The following EDEM3 variants were observed in gnomAD, a reference collection of about 807,000 sequenced individuals.
EDEM3 encodes ER degradation-enhancing alpha-mannosidase-like protein 3.
In EDEM3, 60 loss-of-function variants were observed where a neutral mutation model predicts 110.2. That is an observed-to-expected ratio of 0.54 (90% CI 0.44 to 0.67). The LOEUF (loss-of-function observed/expected upper bound fraction) is 0.67. EDEM3 is among the 30% of genes least tolerant of loss of function. The pLI is 0.00. For missense variants in EDEM3, 996 were observed against 1,121.0 expected (o/e 0.89, Z 1.59); for synonymous variants, 352 against 382.9 (o/e 0.92, Z 0.94).
At chr1:184,747,130 G>A (rs1652475765) in intron 2 of EDEM3, among the ~76,000 whole-genome samples, 1 of 151,802 alleles carries the variant, frequency 6.6e-6, no homozygotes, top group African/African-American at 2.4e-5. Context: ...TAAAAAAGGT[G>A]AATGTATTAA....
chr1:184,737,090 T>G, intron 3 of EDEM3, 26 bp from the exon 4 acceptor site: 1 of 1,588,366 alleles, frequency 6.3e-7, no homozygotes, highest in Non-Finnish European at 8.6e-7. Context: ...TAACAAGATA[T>G]AAAACATTAG....
intron 16 of EDEM3, among the ~76,000 whole-genome samples, chr1:184,709,789 T>C (rs1007496488): frequency 1.3e-5 from 2 of 152,130 alleles, no homozygotes; most frequent in African/African-American, 4.8e-5. Flanking sequence ...GAATTTGAGA[T>C]TAAAGGATAC....
rs772041952 is a variant in EDEM3, at chr1:184,732,883, T to G, written c.566A>C (p.Lys189Thr). ...GGTAGTGTTGAAAGCCGGTAAAAGT[T>G]TGTAACCTAACTGCTTTGCCATTTG... ...LLQMAKQLGY[K>T]LLPAFNTTSG... Residue 189 changes from lysine to threonine, a missense_variant, in exon 6 of 20, where the codon AAA becomes ACA. By Grantham distance (78) the Lys-to-Thr change is moderately conservative. Around this residue, in one of 5 missense-constraint regions of EDEM3, gnomAD observed 310 missense variants for 394.6 expected, o/e 0.79. Coordinates refer to ENST00000318130, the MANE Select transcript of EDEM3 (RefSeq NM_025191.4). 10 of 1,613,978 alleles carry G rather than the reference T, an allele frequency of 6.2e-6. No individual in the cohort carries two copies. Among genetic ancestry groups the G allele is most frequent in the Admixed American group, 1.7e-5 (1 of 60,004 alleles).
At position 184,710,508 on chromosome 1, in the gene EDEM3, T is replaced by C. The variant is rs750877743; in HGVS notation, c.1731A>G (p.Arg577=). Reference sequence around the variant, plus strand: ...GGTTAGTGGCCATGAAATCTCTGGCTCTCAGAGGGGGTTTAGCTCCACTCC... The same window carrying C: ...GGTTAGTGGCCATGAAATCTCTGGCCCTCAGAGGGGGTTTAGCTCCACTCC... The part of the protein sequence containing the change: ...SFRSGAKPPL[R]ARDFMATNPE... Residue 577 remains arginine, a synonymous_variant, in exon 16 of 20, where the codon AGA becomes AGG. Transcript: ENST00000318130. 6.2e-7 allele frequency: 1 copy of C among 1,613,792 alleles called. No homozygotes were observed. Among genetic ancestry groups the C allele is most frequent in the African/African-American group, 1.3e-5 (1 of 74,916 alleles).
chr1:184,743,733 G>T (rs1008175923), intron 2 of EDEM3, among the ~76,000 whole-genome samples: 1 of 151,904 alleles, frequency 6.6e-6, no homozygotes, highest in African/African-American at 2.4e-5. Context: ...TTTGTATAAG[G>T]GTAGATAGAT....
In EDEM3 at chr1:184,743,832, G is replaced by A. The variant is rs116508314; in HGVS notation, c.204+5715C>T. On this transcript the variant is annotated intron_variant, in intron 2 of 19. Transcript: ENST00000318130. ...CACATATTTCAAAATAATTCAGTAGGGAAAGGATATTATTTTCAACAAATG... is the reference window on the plus strand; with the variant it reads ...CACATATTTCAAAATAATTCAGTAGAGAAAGGATATTATTTTCAACAAATG... Among the ~76,000 whole-genome samples the A allele has an allele frequency of 9.6e-3, 1,463 of 151,800 alleles. 20 individuals carry two copies. The highest frequency in any genetic ancestry group is 0.032 in the African/African-American group (1,326 of 41,402).
chr1:184,713,977 T>C (rs1314702753), intron 13 of EDEM3, among the ~76,000 whole-genome samples: 1 of 152,224 alleles, frequency 6.6e-6, no homozygotes, highest in Non-Finnish European at 1.5e-5. Flanking sequence ...TCACCTGAAA[T>C]GTTTCAAAAC....
intron 17 of EDEM3, among the ~76,000 whole-genome samples, chr1:184,707,279 T>C (rs1335713648): frequency 6.6e-6 from 1 of 152,230 alleles, no homozygotes; most frequent in Non-Finnish European, 1.5e-5. Flanking sequence ...ACTTAGTCTA[T>C]ATGAATCTGC....
chr1:184,721,136 G>A lies in EDEM3; in HGVS notation c.951+153C>T, dbSNP rs186066322. 6.5e-4 allele frequency: 387 copies of A among 598,690 alleles called. 1 individual carries two copies. The highest frequency in any genetic ancestry group is 8.8e-4 in the Non-Finnish European group (308 of 348,818). 37.1% of individuals were successfully genotyped at this position (598,690 alleles called of 1,614,324 possible). A position where few individuals can be genotyped will look rare whatever the true frequency, so the allele number is the denominator to read the frequency against. ...TTTTGGAATGTATATCACTTTTTAC[G>A]CTGTCCCTGTTCAACATCATCAGGA... On this transcript the variant is annotated intron_variant, in intron 9 of 19. Coordinates refer to ENST00000318130, the MANE Select transcript of EDEM3 (RefSeq NM_025191.4).
At position 184,719,196 on chromosome 1, in the gene EDEM3, T is replaced by C. The variant is rs1319264122; in HGVS notation, c.1127A>G (p.Tyr376Cys). 6.3e-7 allele frequency: 1 copy of C among 1,574,898 alleles called. No homozygotes were observed. Among genetic ancestry groups the C allele is most frequent in the Admixed American group, 2.0e-5 (1 of 49,540 alleles). The change falls in exon 11 of 20, where the codon TAT (tyrosine) becomes TGT (cysteine). Residue 376 changes from tyrosine to cysteine, a missense_variant. Physicochemically the swap from Tyr to Cys is radical, Grantham distance 194 (BLOSUM62 -2). Around this residue, in one of 5 missense-constraint regions of EDEM3, gnomAD observed 310 missense variants for 394.6 expected, o/e 0.79. Coordinates refer to ENST00000318130, the MANE Select transcript of EDEM3 (RefSeq NM_025191.4). ...AAAATTGTGTTTTTTAATCACCTGA[T>C]ATAACATTTCATGAGTTTCAATAGC... ...RPAIETHEML[Y>C]QVIKKHNFLP... is the part of the protein sequence containing the mutation.
At chr1:184,700,155 T>C (rs919085076) in intron 19 of EDEM3, among the ~76,000 whole-genome samples, 2 of 152,082 alleles carry the variant, frequency 1.3e-5, no homozygotes, top group East Asian at 1.9e-4. Context: ...GGCTTCTAAA[T>C]GTGTATTAAG....
chr1:184,700,529 T>C (rs1026150344), intron 19 of EDEM3, among the ~76,000 whole-genome samples: 2 of 152,122 alleles, frequency 1.3e-5, no homozygotes, highest in East Asian at 3.9e-4. Flanking sequence ...TTTCTCAAAG[T>C]GTAGCTGAGG....
Position 184,719,257 on chromosome 1 carries a change from CA to C in EDEM3, c.1078-13del, listed in dbSNP as rs1650738389. The C allele has an allele frequency of 6.5e-6, 10 of 1,541,668 alleles. No individual in the cohort carries two copies. The highest frequency in any genetic ancestry group is 8.7e-6 in the Non-Finnish European group (10 of 1,147,402). ...TCCCCCTTTAACACCTAGAAATCAACAACAATAAAATTACCTAATAAAATAT... is the reference window on the plus strand; with the variant it reads ...TCCCCCTTTAACACCTAGAAATCAACACAATAAAATTACCTAATAAAATAT... On this transcript the variant is annotated splice_polypyrimidine_tract_variant and intron_variant, in intron 10 of 19. Transcript: ENST00000318130.
At chr1:184,735,867 C>A (rs1473569769) in intron 4 of EDEM3, among the ~76,000 whole-genome samples, 1 of 152,174 alleles carries the variant, frequency 6.6e-6, no homozygotes, top group Non-Finnish European at 1.5e-5. Context: ...TCTAATTCTT[C>A]TCCCTGGGTT....
intron 4 of EDEM3, among the ~76,000 whole-genome samples, chr1:184,736,249 T>C (rs2102116414): frequency 6.6e-6 from 1 of 151,934 alleles, no homozygotes; most frequent in Admixed American, 6.5e-5. Flanking sequence ...ATTTTCGTTC[T>C]TAAAAAAAAA....
intron 6 of EDEM3, among the ~76,000 whole-genome samples, chr1:184,732,394 G>A (rs1200006353): frequency 1.3e-5 from 2 of 152,068 alleles, no homozygotes; most frequent in Non-Finnish European, 2.9e-5. Flanking sequence ...ATAAGATACA[G>A]TATTTAATAG....
rs1553276313 is a variant in EDEM3, at chr1:184,750,518, C to CTTTTCTTT, written c.159-927_159-926insAAAGAAAA. Among the ~76,000 whole-genome samples, 426 of 146,464 alleles carry CTTTTCTTT rather than the reference C, an allele frequency of 2.9e-3. 6 individuals are homozygous for CTTTTCTTT. In the East Asian group the frequency reaches 0.037, roughly 13 times the overall value. On this transcript the variant is annotated intron_variant, in intron 1 of 19. Transcript: ENST00000318130. ...CTTAACAATTTTTTATTAACTTTTT[C>CTTTTCTTT]TTTTTTTTTTGAGACAGGGTCTCAC...
intron 13 of EDEM3, among the ~76,000 whole-genome samples, chr1:184,716,093 T>C (rs763227449): frequency 2.0e-5 from 3 of 152,188 alleles, no homozygotes; most frequent in Admixed American, 6.6e-5. Flanking sequence ...TTGTGCTTCA[T>C]GCCCCTTTAA....
chr1:184,708,018 A>T, intron 17 of EDEM3, 135 bp downstream of exon 17: 1 of 776,732 alleles, frequency 1.3e-6, no homozygotes, highest in Non-Finnish European at 1.9e-6. Context: ...CTTTTACTTT[A>T]CTTAAATCCA....
Sources: allele counts gnomAD v4.1 joint callset (sites outside exome capture counted in the v4.1 genomes callset), GRCh38; gene constraint gnomAD v4.1.1; regional missense constraint gnomAD v4.1.1; transcripts MANE v1.5; gene names NCBI Gene and HGNC (gene_info 2026-07-23, HGNC 2026-07-21).